CNTN5: variants seen among roughly 807,000 people sequenced by gnomAD.
The protein encoded by CNTN5 is contactin-5.
A neutral mutation model predicts 129.1 loss-of-function variants in CNTN5; 77 were observed. The ratio of observed to expected loss-of-function variants is 0.60; its 90% confidence interval spans 0.50 to 0.72. The LOEUF (loss-of-function observed/expected upper bound fraction) is 0.72, where lower values mean the gene tolerates loss of function less well. Ranked by LOEUF, CNTN5 falls within the 30% of genes least tolerant of loss-of-function variation. CNTN5 has a pLI of 0.00. For missense variants in CNTN5, 1,478 were observed against 1,328.8 expected (o/e 1.11, Z -1.75); for synonymous variants, 509 against 465.6 (o/e 1.09, Z -1.20).
intron 9 of CNTN5, among the ~76,000 whole-genome samples, chr11:100,040,122 G>A (rs2137669804): frequency 6.6e-6 from 1 of 152,028 alleles, no homozygotes; most frequent in African/African-American, 2.4e-5. Flanking sequence ...GGTCTTTGAT[G>A]ATGGTGACGT....
intron 2 of CNTN5, among the ~76,000 whole-genome samples, chr11:99,544,570 A>C (rs1182108234): frequency 6.6e-6 from 1 of 152,218 alleles, no homozygotes; most frequent in South Asian, 2.1e-4. Flanking sequence ...TGAAATAAAC[A>C]GTATTAAGAA....
chr11:99,122,679 AT>A (rs988627572), intron 1 of CNTN5, among the ~76,000 whole-genome samples: 1 of 151,898 alleles, frequency 6.6e-6, no homozygotes, highest in Non-Finnish European at 1.5e-5. Flanking sequence ...GTTTATTATT[AT>A]TTTTTTGATC....
chr11:99,569,427 C>T (rs553250688), intron 3 of CNTN5, among the ~76,000 whole-genome samples: 6 of 152,304 alleles, frequency 3.9e-5, no homozygotes, highest in Middle Eastern at 3.4e-3. Context: ...GATTCTCCCG[C>T]GTCAGCCTCC....
intron 21 of CNTN5, among the ~76,000 whole-genome samples, chr11:100,321,830 G>C (rs932338023): frequency 1.3e-5 from 2 of 152,076 alleles, no homozygotes; most frequent in Admixed American, 6.5e-5. Flanking sequence ...TTTCATTCCA[G>C]TGAGATGATG....
At position 99,916,080 on chromosome 11, in the gene CNTN5, A is replaced by G. The variant is rs1232393619; in HGVS notation, c.604A>G (p.Arg202Gly). ...AYLGNFSGRT[R>G]SAVSVREGQG... ...TCTGGGAAATTTTAGTGGCCGGACA[A>G]GAAGTGCAGTCTCTGTGAGGGAAGG... The change falls in exon 7 of 25, where the codon AGA becomes GGA. Residue 202 changes from arginine (R) to glycine (G), a missense_variant. Coordinates refer to ENST00000524871, the MANE Select transcript of CNTN5 (RefSeq NM_014361.4). 6.2e-7 allele frequency: 1 copy of G among 1,612,314 alleles called. No homozygotes were observed. The highest frequency in any genetic ancestry group is 8.5e-7 in the Non-Finnish European group (1 of 1,179,194).
chr11:99,790,565 T>C (rs1001450675), intron 3 of CNTN5, among the ~76,000 whole-genome samples: 1 of 152,144 alleles, frequency 6.6e-6, no homozygotes, highest in African/African-American at 2.4e-5. Flanking sequence ...CTTTACCCAG[T>C]CTACCATTCA....
At chr11:99,763,566 C>T (rs1174459657) in intron 3 of CNTN5, among the ~76,000 whole-genome samples, 1 of 152,010 alleles carries the variant, frequency 6.6e-6, no homozygotes, top group East Asian at 1.9e-4. Flanking sequence ...CTATTCCCAT[C>T]TACTCAGTAT....
In CNTN5 at chr11:100,221,000, G is replaced by T. The variant is rs1208863368; in HGVS notation, c.1885-3692G>T. ...CCTTGGCTGCACTAGTGCTAGCTCA[G>T]CTTTGGGAATGCCCATCGTGGACCT... On this transcript the variant is annotated intron_variant, in intron 15 of 24. Transcript: ENST00000524871. 2.0e-5 allele frequency among the ~76,000 whole-genome samples: 3 copies of T among 152,198 alleles called. No homozygotes were observed. In the East Asian group the frequency reaches 5.8e-4, roughly 29 times the overall value.
At position 100,034,395 on chromosome 11, in the gene CNTN5, G is replaced by A. The variant is rs538205561; in HGVS notation, c.981-26817G>A. ...TCATTGATATTCTATCCAGTATCAA[G>A]TCTTGTTAGTTCTATATCTTAAATA... On this transcript the variant is annotated intron_variant, in intron 9 of 24. Transcript: ENST00000524871. Among the ~76,000 whole-genome samples the A allele has an allele frequency of 5.0e-4, 76 of 152,280 alleles. 1 individual carries two copies. Among genetic ancestry groups the A allele is most frequent in the African/African-American group, 1.8e-3 (76 of 41,562 alleles).
chr11:100,318,242 GAAAAAAAAA>G (rs66824133), intron 21 of CNTN5, among the ~76,000 whole-genome samples: 2 of 76,752 alleles, frequency 2.6e-5, no homozygotes, highest in Admixed American at 1.2e-4. Flanking sequence ...CTCTGTCTCA[GAAAAAAAAA>G]AAAAAAAAAA....
intron 3 of CNTN5, among the ~76,000 whole-genome samples, chr11:99,630,115 A>G (rs1951284608): frequency 6.6e-6 from 1 of 151,954 alleles, no homozygotes; most frequent in South Asian, 2.1e-4. Flanking sequence ...ATATAATTAA[A>G]TAAATTACGA....
intron 3 of CNTN5, among the ~76,000 whole-genome samples, chr11:99,689,680 G>T (rs765526637): frequency 2.0e-5 from 3 of 151,902 alleles, no homozygotes; most frequent in Non-Finnish European, 4.4e-5. Context: ...GTAATTATCA[G>T]TGTTGTTGGG....
rs544962143 is a variant in CNTN5, at chr11:100,358,670, T to C, written c.*2450T>C. The C allele has an allele frequency of 6.6e-6, 1 of 151,924 alleles. No homozygotes were observed. The highest frequency in any genetic ancestry group is 1.9e-4 in the East Asian group (1 of 5,168). The allele number at this position is 151,924 out of a possible 1,614,324, so 9.4% of individuals were successfully genotyped here. On this transcript the variant is annotated 3_prime_UTR_variant, in exon 25 of 25. Transcript: ENST00000524871. ...TGAATATGAAGAAAGCAACAGTCCTTATAATTAGAAATTTCATGAAAGCAA... is the reference window on the plus strand; with the variant it reads ...TGAATATGAAGAAAGCAACAGTCCTCATAATTAGAAATTTCATGAAAGCAA...
chr11:99,283,394 A>G (rs939975076), intron 1 of CNTN5, among the ~76,000 whole-genome samples: 5 of 151,780 alleles, frequency 3.3e-5, no homozygotes, highest in Non-Finnish European at 7.4e-5. Context: ...ACACACATGC[A>G]CATGTGCACA....
At chr11:99,326,999 A>G (rs1024953220) in intron 2 of CNTN5, among the ~76,000 whole-genome samples, 11 of 152,192 alleles carry the variant, frequency 7.2e-5, no homozygotes, top group South Asian at 2.1e-4. Flanking sequence ...GTTATTTCCT[A>G]TATATAAACA....
chr11:99,678,048 T>C (rs531328382), intron 3 of CNTN5, among the ~76,000 whole-genome samples: 6 of 152,286 alleles, frequency 3.9e-5, no homozygotes, highest in African/African-American at 1.4e-4. Context: ...TTATGATTTT[T>C]GATACTTATA....
chr11:100,264,746 C>G (rs1166757800), intron 17 of CNTN5, among the ~76,000 whole-genome samples: 1 of 151,912 alleles, frequency 6.6e-6, no homozygotes, highest in East Asian at 1.9e-4. Flanking sequence ...GGGTATGTAC[C>G]CAGTAATGCG....
chr11:99,743,642 G>A (rs1943953919), intron 3 of CNTN5, among the ~76,000 whole-genome samples: 1 of 152,122 alleles, frequency 6.6e-6, no homozygotes, highest in Admixed American at 6.5e-5. Context: ...TAACTGTGGA[G>A]GAGGGATGTC....
intron 18 of CNTN5, among the ~76,000 whole-genome samples, chr11:100,297,319 A>G (rs1951118610): frequency 6.6e-6 from 1 of 151,482 alleles, no homozygotes; most frequent in Admixed American, 6.6e-5. Flanking sequence ...AACAGTGAGC[A>G]ATTTTAAGGA....
Sources: allele counts gnomAD v4.1 joint callset (sites outside exome capture counted in the v4.1 genomes callset), GRCh38; gene constraint gnomAD v4.1.1; transcripts MANE v1.5; gene names NCBI Gene and HGNC (gene_info 2026-07-23, HGNC 2026-07-21).